Variants in CSMD2 observed in about 807,000 individuals in gnomAD.
CSMD2 encodes the protein CUB and Sushi multiple domains 2.
Under a neutral mutation model 398.5 loss-of-function variants are expected in CSMD2, and 130 were observed. The observed-to-expected ratio is 0.33, with a 90% CI of 0.28 to 0.38. CSMD2 has a LOEUF of 0.38. CSMD2 is among the 10% of genes least tolerant of loss of function. CSMD2 has a pLI of 1.00. For missense variants in CSMD2, 3,829 were observed against 4,764.9 expected (o/e 0.80, Z 5.78); for synonymous variants, 1,828 against 1,908.5 (o/e 0.96, Z 1.10).
rs745964495 is a variant in CSMD2, at chr1:33,646,644, T to G, written c.4774+4A>C. The stretch of plus-strand genomic sequence containing the variant: ...TCAGTACTCTCTGGCACCAGGGCCC[T>G]TACCTGTATAGTCAATGACGAAGCC... On this transcript the variant is annotated splice_donor_region_variant and intron_variant, in intron 29 of 70. Transcript: ENST00000373381. The G allele has an allele frequency of 6.2e-7, 1 of 1,613,138 alleles. No homozygotes were observed. Among genetic ancestry groups the G allele is most frequent in the African/African-American group, 1.3e-5 (1 of 74,988 alleles).
At position 33,616,896 on chromosome 1, in the gene CSMD2, G is replaced by T; in HGVS notation, c.6016+10C>A. 1 of 1,610,542 alleles carries T rather than the reference G, an allele frequency of 6.2e-7. No individual in the cohort carries two copies. The highest frequency in any genetic ancestry group is 8.5e-7 in the Non-Finnish European group (1 of 1,176,710). ...GGTTGGAATGAATTGTAAAGTCTGG[G>T]CTGTCTTACCAATACAGAGTGGAGG... is the stretch of plus-strand genomic sequence containing the variant. On this transcript the variant is annotated intron_variant, in intron 39 of 70. Coordinates refer to ENST00000373381, the MANE Select transcript of CSMD2 (RefSeq NM_001281956.2).
chr1:33,530,013 A>G (rs1570630902), intron 64 of CSMD2, among the ~76,000 whole-genome samples: 1 of 152,220 alleles, frequency 6.6e-6, no homozygotes, highest in African/African-American at 2.4e-5. Context: ...AAAAGTGCTG[A>G]GCACCATTAG....
At chr1:34,017,575 A>T (rs1570824332) in intron 3 of CSMD2, among the ~76,000 whole-genome samples, 1 of 152,188 alleles carries the variant, frequency 6.6e-6, no homozygotes, top group Non-Finnish European at 1.5e-5. Context: ...TGAGCAACAT[A>T]GCAAGATACC....
At chr1:33,867,267 G>A (rs1640108710) in intron 5 of CSMD2, among the ~76,000 whole-genome samples, 2 of 152,282 alleles carry the variant, frequency 1.3e-5, no homozygotes, top group African/African-American at 4.8e-5. Context: ...AGCTGAGGGT[G>A]GCCTCAGACC....
chr1:34,131,407 CTT>C, intron 1 of CSMD2, among the ~76,000 whole-genome samples: 2 of 152,286 alleles, frequency 1.3e-5, no homozygotes, highest in East Asian at 3.9e-4. Context: ...TTGCAAGTTA[CTT>C]ACACAGGCCA....
At chr1:33,759,989 T>C (rs892660285) in intron 13 of CSMD2, among the ~76,000 whole-genome samples, 1 of 152,228 alleles carries the variant, frequency 6.6e-6, no homozygotes, top group African/African-American at 2.4e-5. Context: ...ACTGGAATCC[T>C]AAACTGAAGC....
At chr1:33,981,829 T>A (rs1330855370) in intron 3 of CSMD2, among the ~76,000 whole-genome samples, 1 of 152,006 alleles carries the variant, frequency 6.6e-6, no homozygotes, top group Non-Finnish European at 1.5e-5. Flanking sequence ...ATGGGCACAG[T>A]GAGGTTCTGC....
chr1:34,164,982 G>C lies in CSMD2; in HGVS notation c.116C>G (p.Pro39Arg), dbSNP rs1322208565. 4 of 1,211,796 alleles carry C rather than the reference G, an allele frequency of 3.3e-6. No homozygotes were observed. The highest frequency in any genetic ancestry group is 4.1e-6 in the Non-Finnish European group (4 of 975,622). 75.1% of individuals were successfully genotyped at this position (1,211,796 alleles called of 1,614,324 possible). A position where few individuals can be genotyped will look rare whatever the true frequency, so the allele number is the denominator to read the frequency against. ...VPGAGSRWGR[P>R]PPPTPPPLLL... ...CAGAGGCGGCGGCGTTGGCGGCGGC[G>C]GGCGGCCCCAGCGGCTCCCGGCGCC... Residue 39 changes from proline to arginine, a missense_variant, in exon 1 of 71, where the codon CCG becomes CGG. This residue lies in a region of CSMD2 where 184 missense variants were observed against 217.7 expected (regional missense o/e 0.85). Coordinates refer to ENST00000373381, the MANE Select transcript of CSMD2 (RefSeq NM_001281956.2). The surrounding 1 kb of genome is among the most constrained non-coding windows in gnomAD (Gnocchi z 6.2).
chr1:33,669,157 C>T (rs1003202207), intron 25 of CSMD2, among the ~76,000 whole-genome samples: 1 of 152,186 alleles, frequency 6.6e-6, no homozygotes, highest in African/African-American at 2.4e-5. Flanking sequence ...AGACGGTATT[C>T]AAACCATGTC....
intron 4 of CSMD2, among the ~76,000 whole-genome samples, chr1:33,918,994 A>G (rs1298612668): frequency 6.6e-6 from 1 of 152,210 alleles, no homozygotes; most frequent in Non-Finnish European, 1.5e-5. Flanking sequence ...AAGGCAGTGA[A>G]GAAATGTGAT....
At chr1:33,814,008 G>GT (rs1476738867) in intron 9 of CSMD2, 3 of 152,406 alleles carry the variant, frequency 2.0e-5, no homozygotes, top group Admixed American at 2.0e-4. Flanking sequence ...CCACCCTCAA[G>GT]TATTTCTTTC....
intron 1 of CSMD2, among the ~76,000 whole-genome samples, chr1:34,135,273 C>CACAT (rs1344152462): frequency 6.7e-6 from 1 of 149,530 alleles, no homozygotes; most frequent in Non-Finnish European, 1.5e-5. Flanking sequence ...CACACACACA[C>CACAT]ACACACACAC....
chr1:33,623,539 G>T, intron 35 of CSMD2, 73 bp from the exon 36 acceptor site: 1 of 1,044,286 alleles, frequency 9.6e-7, no homozygotes, highest in Non-Finnish European at 1.5e-6. Context: ...TTCCCTTTCT[G>T]CCCTTCCCGT....
At chr1:33,996,314 A>G (rs1047131131) in intron 3 of CSMD2, among the ~76,000 whole-genome samples, 2 of 152,256 alleles carry the variant, frequency 1.3e-5, no homozygotes, top group African/African-American at 4.8e-5. Flanking sequence ...AAAGTGTCAG[A>G]GGATGATGAC....
chr1:33,792,633 A>T, intron 10 of CSMD2, 107 bp from the exon 11 acceptor site: 1 of 731,990 alleles, frequency 1.4e-6, no homozygotes, highest in Non-Finnish European at 2.5e-6. Context: ...GCTCAGAGTC[A>T]CTGGTGACAC....
Position 33,533,713 on chromosome 1 carries a change from C to T in CSMD2, c.9991+83G>A. 1 of 860,418 alleles carries T rather than the reference C, an allele frequency of 1.2e-6. No individual in the cohort carries two copies. The highest frequency in any genetic ancestry group is 2.5e-5 in the East Asian group (1 of 40,154). The allele number at this position is 860,418 out of a possible 1,614,324, so 53.3% of individuals were successfully genotyped here. A position where few individuals can be genotyped will look rare whatever the true frequency, so the allele number is the denominator to read the frequency against. On this transcript the variant is annotated intron_variant, in intron 63 of 70. Transcript: ENST00000373381. The surrounding 1 kb of genome is among the most constrained non-coding windows in gnomAD (Gnocchi z 4.2). ...GCATGGGGAGTTGTGAACTCCCTGT[C>T]ATTCAGAGCATTCAAACATGACCCA...
At chr1:33,901,560 C>T (rs1200731481) in intron 5 of CSMD2, among the ~76,000 whole-genome samples, 3 of 152,156 alleles carry the variant, frequency 2.0e-5, no homozygotes, top group Non-Finnish European at 4.4e-5. Context: ...AGGGAGGGCA[C>T]AGGTCCCAAT....
intron 2 of CSMD2, among the ~76,000 whole-genome samples, chr1:34,040,361 C>A (rs997222099): frequency 1.6e-4 from 24 of 152,128 alleles, no homozygotes; most frequent in African/African-American, 5.8e-4. Context: ...AATTAAAAAA[C>A]CATGATTAGT....
Position 33,788,760 on chromosome 1 carries a change from G to A in CSMD2, c.1551-48C>T, listed in dbSNP as rs773092455. ...AGGTGTGCTCTCCACCATGACACCC[G>A]AATAGAATGATTGCCTGACCGATGA... On this transcript the variant is annotated intron_variant, in intron 11 of 70. Transcript: ENST00000373381. The A allele has an allele frequency of 3.1e-5, 36 of 1,171,350 alleles. 1 individual carries two copies. Among genetic ancestry groups the A allele is most frequent in the South Asian group, 2.6e-4 (21 of 81,762 alleles). The allele number at this position is 1,171,350 out of a possible 1,614,324, so 72.6% of individuals were successfully genotyped here.
Sources: allele counts gnomAD v4.1 joint callset (sites outside exome capture counted in the v4.1 genomes callset), GRCh38; gene constraint gnomAD v4.1.1; regional missense constraint gnomAD v4.1.1; non-coding constraint Gnocchi (gnomAD v3.1); transcripts MANE v1.5; gene names NCBI Gene and HGNC (gene_info 2026-07-23, HGNC 2026-07-21).